The following FLRT3 variants were observed in gnomAD, a reference collection of about 807,000 sequenced individuals.
FLRT3 encodes fibronectin leucine rich transmembrane protein 3.
A neutral mutation model predicts 42.6 loss-of-function variants in FLRT3; 17 were observed. That is an observed-to-expected ratio of 0.40 (90% CI 0.27 to 0.60). The LOEUF is 0.60. Ranked by LOEUF, FLRT3 falls within the 20% of genes least tolerant of loss-of-function variation. FLRT3 has a pLI of 0.44. For missense variants in FLRT3, 635 were observed against 789.2 expected (o/e 0.80, Z 2.34); for synonymous variants, 279 against 286.4 (o/e 0.97, Z 0.26).
rs115086094 is a variant in FLRT3 at position 14,326,403 on chromosome 20, A to G, written c.1104T>C (p.Thr368=). Residue 368 remains threonine, a synonymous_variant, in exon 3 of 3, where the codon ACT becomes ACC. Transcript: ENST00000341420. This position sits in a 1 kb window ranked among gnomAD's most constrained non-coding sequence, Gnocchi z 5.5. The part of the protein sequence containing the change: ...SGIVSTIQIT[T]AIPNTVYPAQ... The stretch of plus-strand genomic sequence containing the variant: ...CAGGATACACTGTGTTGGGTATTGC[A>G]GTGGTTATCTGAATGGTGCTTACAA... 1.3e-3 allele frequency: 2,022 copies of G among 1,613,908 alleles called. 17 individuals carry two copies. The African/African-American group carries it at 0.023, about 18-fold the overall frequency.
chr20:14,328,819 C>T (rs1186812091), intron 2 of FLRT3: 1 of 152,098 alleles, frequency 6.6e-6, no homozygotes, highest in Non-Finnish European at 1.5e-5. Context: ...AGAAACAATT[C>T]TGCTTCCTGT....
chr20:14,330,207 T>C (rs1323010862), intron 1 of FLRT3, among the ~76,000 whole-genome samples: 1 of 152,054 alleles, frequency 6.6e-6, no homozygotes, highest in Non-Finnish European at 1.5e-5. Flanking sequence ...AAGAAGACTT[T>C]TGGCTTGACT....
rs1036474428 is a variant in FLRT3 at position 14,323,724 on chromosome 20, G to A, written c.*1833C>T. 1.3e-5 allele frequency: 2 copies of A among 152,112 alleles called. No homozygotes were observed. Among genetic ancestry groups the A allele is most frequent in the African/African-American group, 4.8e-5 (2 of 41,438 alleles). 9.4% of individuals were successfully genotyped at this position (152,112 alleles called of 1,614,324 possible). ...TTTGAAGATTGCAAGGATTTTAGGA[G>A]TTGTATGCCAGAAACAGGGACAAAG... On this transcript the variant is annotated 3_prime_UTR_variant, in exon 3 of 3. Coordinates refer to ENST00000341420, the MANE Select transcript of FLRT3 (RefSeq NM_198391.3).
At chr20:14,336,912 G>A (rs1233954551) in intron 1 of FLRT3, among the ~76,000 whole-genome samples, 2 of 152,204 alleles carry the variant, frequency 1.3e-5, no homozygotes, top group Non-Finnish European at 2.9e-5. Flanking sequence ...AGGCACATAA[G>A]TCTCCAGGAG....
At position 14,326,762 on chromosome 20, in the gene FLRT3, G is replaced by A. The variant is rs6135120; in HGVS notation, c.745C>T (p.Leu249=). ...AAPVNLPGTN[L]RKLYLQDNHI... is the part of the protein sequence containing the mutation. ...TTATCTTGAAGATAAAGCTTCCTCA[G>A]GTTTGTGCCTGGAAGGTTTACTGGT... Residue 249 remains leucine (L), a synonymous_variant, in exon 3 of 3, where the codon CTG becomes TTG. Coordinates refer to ENST00000341420, the MANE Select transcript of FLRT3 (RefSeq NM_198391.3). This position sits in a 1 kb window ranked among gnomAD's most constrained non-coding sequence, Gnocchi z 5.5. The A allele has an allele frequency of 3.1e-6, 5 of 1,613,828 alleles. No homozygotes were observed. In the East Asian group the frequency reaches 6.7e-5, roughly 22 times the overall value.
intron 1 of FLRT3, among the ~76,000 whole-genome samples, chr20:14,331,591 T>G (rs562881640): frequency 6.6e-6 from 1 of 152,130 alleles, no homozygotes; most frequent in Non-Finnish European, 1.5e-5. Flanking sequence ...AAGATTACGT[T>G]CAGAGCTACT....
In FLRT3 at chr20:14,324,843, T is replaced by C. The variant is rs2082708355; in HGVS notation, c.*714A>G. 1 of 152,304 alleles carries C rather than the reference T, an allele frequency of 6.6e-6. No homozygotes were observed. Among genetic ancestry groups the C allele is most frequent in the South Asian group, 2.1e-4 (1 of 4,830 alleles). 9.4% of individuals were successfully genotyped at this position (152,304 alleles called of 1,614,324 possible). A position where few individuals can be genotyped will look rare whatever the true frequency, so the allele number is the denominator to read the frequency against. On this transcript the variant is annotated 3_prime_UTR_variant, in exon 3 of 3. Coordinates refer to ENST00000341420, the MANE Select transcript of FLRT3 (RefSeq NM_198391.3). ...TTACCGTTTTTGTGAAGTCCTTTAT[T>C]TTCAAAGCTTTGCTGACAATGGCTT...
chr20:14,336,221 T>C (rs1220884227), intron 1 of FLRT3, among the ~76,000 whole-genome samples: 1 of 152,228 alleles, frequency 6.6e-6, no homozygotes, highest in Non-Finnish European at 1.5e-5. Context: ...TAAAATAACA[T>C]AGATGAGCAT....
Position 14,327,044 on chromosome 20 carries a change from A to C in FLRT3, c.463T>G (p.Tyr155Asp). 6 of 1,613,792 alleles carry C rather than the reference A, an allele frequency of 3.7e-6. No individual in the cohort carries two copies. Among genetic ancestry groups the C allele is most frequent in the Non-Finnish European group, 5.1e-6 (6 of 1,179,806 alleles). ...IEEGAFRDSN[Y>D]LRLLFLSRNH... Reference sequence around the variant, plus strand: ...CGGGACAGGAAAAGCAGTCGGAGATAGTTGCTGTCTCGGAATGCTCCCTCT... The same window carrying C: ...CGGGACAGGAAAAGCAGTCGGAGATCGTTGCTGTCTCGGAATGCTCCCTCT... Residue 155 changes from tyrosine to aspartate, a missense_variant, in exon 3 of 3, where the codon TAT (tyrosine) becomes GAT (aspartate). By Grantham distance (160) the Tyr-to-Asp change is radical. Transcript: ENST00000341420.
chr20:14,333,799 G>T (rs1465049566), intron 1 of FLRT3, among the ~76,000 whole-genome samples: 1 of 152,092 alleles, frequency 6.6e-6, no homozygotes, highest in Non-Finnish European at 1.5e-5. Flanking sequence ...TCCAAGCAGG[G>T]TATTACTTAA....
At position 14,327,227 on chromosome 20, in the gene FLRT3, T is replaced by C. The variant is rs1376429889; in HGVS notation, c.280A>G (p.Ser94Gly). The C allele has an allele frequency of 3.1e-6, 5 of 1,613,744 alleles. No individual in the cohort carries two copies. The highest frequency in any genetic ancestry group is 1.1e-5 in the South Asian group (1 of 91,082). The change falls in exon 3 of 3, where the codon AGT (serine) becomes GGT (glycine). Residue 94 changes from serine (S) to glycine (G), a missense_variant. Physicochemically the swap from Ser to Gly is moderately conservative, Grantham distance 56. Coordinates refer to ENST00000341420, the MANE Select transcript of FLRT3 (RefSeq NM_198391.3). ...AGGTTGGTAGGAAATTCATCTAAAC[T>C]GTTGTGGTATAGGTATATTCTTTCT... Reference protein sequence around the residue: ...KVERIYLYHNSLDEFPTNLPK... With the variant: ...KVERIYLYHNGLDEFPTNLPK...
Position 14,326,705 on chromosome 20 carries a change from A to G in FLRT3, c.802T>C (p.Ser268Pro), listed in dbSNP as rs1448405096. 1 of 1,613,774 alleles carries G rather than the reference A, an allele frequency of 6.2e-7. No homozygotes were observed. The highest frequency in any genetic ancestry group is 1.7e-5 in the Admixed American group (1 of 59,950). Residue 268 changes from serine (S) to proline (P), a missense_variant, in exon 3 of 3, where the codon TCT becomes CCT. By Grantham distance (74) the Ser-to-Pro change is moderately conservative (BLOSUM62 -1). Transcript: ENST00000341420. The surrounding 1 kb of genome is among the most constrained non-coding windows in gnomAD (Gnocchi z 5.5). The part of the protein sequence containing the change: ...HINRVPPNAF[S>P]YLRQLYRLDM... ...AGTCGATAGAGCTGCCTTAGATAAG[A>G]AAAAGCATTTGGGGGCACCCGATTG...
chr20:14,337,377 A>AG, intron 1 of FLRT3, 27 bp downstream of exon 1: 1 of 345,198 alleles, frequency 2.9e-6, no homozygotes, highest in Non-Finnish European at 5.2e-6. Context: ...TGGGACAATC[A>AG]TAAGAAAAAA....
At chr20:14,327,585 A>G in intron 2 of FLRT3, 27 bp from the exon 3 acceptor site, 2 of 1,445,504 alleles carry the variant, frequency 1.4e-6, no homozygotes, top group Admixed American at 2.6e-5. Context: ...AAAAAAAGAC[A>G]GAAAACAATA....
At chr20:14,330,392 C>G (rs372154786) in intron 1 of FLRT3, among the ~76,000 whole-genome samples, 8 of 151,924 alleles carry the variant, frequency 5.3e-5, no homozygotes, top group African/African-American at 1.4e-4. Flanking sequence ...ATGTGACCCT[C>G]AAAGTAAGGA....
intron 1 of FLRT3, among the ~76,000 whole-genome samples, chr20:14,330,355 TAG>T (rs2082813671): frequency 6.6e-6 from 1 of 152,012 alleles, no homozygotes; most frequent in African/African-American, 2.4e-5. Flanking sequence ...TGTATATATG[TAG>T]GGAACATTTG....
In FLRT3 at chr20:14,323,954, A is replaced by G. The variant is rs1378592689; in HGVS notation, c.*1603T>C. On this transcript the variant is annotated 3_prime_UTR_variant, in exon 3 of 3. Transcript: ENST00000341420. ...GAGGAAATACATTTATACATGAAAC[A>G]CTGAACTCTTTGAAGTAAAATGATA... The G allele has an allele frequency of 6.6e-6, 1 of 152,206 alleles. No homozygotes were observed. The highest frequency in any genetic ancestry group is 1.5e-5 in the Non-Finnish European group (1 of 68,032). 9.4% of individuals were successfully genotyped at this position (152,206 alleles called of 1,614,324 possible).
Position 14,327,257 on chromosome 20 carries a change from T to C in FLRT3, c.250A>G (p.Lys84Glu), listed in dbSNP as rs752131602. ...GIPSDLKNLL[K>E]VERIYLYHNS... ...TGGTATAGGTATATTCTTTCTACTT[T>C]CAGCAAGTTTTTCAAATCTGAAGGA... Residue 84 changes from lysine to glutamate, a missense_variant, in exon 3 of 3, where the codon AAA becomes GAA. Physicochemically the swap from Lys to Glu is moderately conservative, Grantham distance 56. Transcript: ENST00000341420. The C allele has an allele frequency of 1.2e-6, 2 of 1,613,840 alleles. No individual in the cohort carries two copies. Among genetic ancestry groups the C allele is most frequent in the South Asian group, 2.2e-5 (2 of 91,084 alleles).
chr20:14,325,793 T>C lies in FLRT3; in HGVS notation c.1714A>G (p.Lys572Glu). 1 of 1,613,934 alleles carries C rather than the reference T, an allele frequency of 6.2e-7. No individual in the cohort carries two copies. The highest frequency in any genetic ancestry group is 8.5e-7 in the Non-Finnish European group (1 of 1,179,862). ...GTGCCAGCTTCTGCATAGTCATCCTTTCTTCTCCTCCCTTTGCTATATGCA... is the reference window on the plus strand; with the variant it reads ...GTGCCAGCTTCTGCATAGTCATCCTCTCTTCTCCTCCCTTTGCTATATGCA... ...NCAYSKGRRR[K>E]DDYAEAGTKK... The change falls in exon 3 of 3, where the codon AAG (lysine) becomes GAG (glutamate). Residue 572 changes from lysine (K) to glutamate (E), a missense_variant. Coordinates refer to ENST00000341420, the MANE Select transcript of FLRT3 (RefSeq NM_198391.3).
Sources: allele counts gnomAD v4.1 joint callset (sites outside exome capture counted in the v4.1 genomes callset), GRCh38; gene constraint gnomAD v4.1.1; non-coding constraint Gnocchi (gnomAD v3.1); transcripts MANE v1.5; gene names NCBI Gene and HGNC (gene_info 2026-07-23, HGNC 2026-07-21).